Variants in TTC39C observed in about 807,000 individuals in gnomAD.
The protein encoded by TTC39C is tetratricopeptide repeat domain 39C, also known as tetratricopeptide repeat protein 39C.
In TTC39C, 33 loss-of-function variants were observed where a neutral mutation model predicts 76.3. The observed-to-expected ratio is 0.43, with a 90% CI of 0.33 to 0.58. The LOEUF (loss-of-function observed/expected upper bound fraction) is 0.58, where lower values mean the gene tolerates loss of function less well. Ranked by LOEUF, TTC39C falls within the 20% of genes least tolerant of loss-of-function variation. The pLI, the probability that TTC39C is intolerant of heterozygous loss-of-function variation, is 0.04. For synonymous variants in TTC39C, 254 were observed against 260.6 expected, an observed-to-expected ratio of 0.97 and a Z score of 0.24; for missense variants, 595 against 701.4, an observed-to-expected ratio of 0.85 and a Z score of 1.71.
In TTC39C at chr18:24,060,953, A is replaced by G. The variant is rs1034796708; in HGVS notation, c.168-3187A>G. 2.1e-3 allele frequency among the ~76,000 whole-genome samples: 321 copies of G among 152,240 alleles called. 2 individuals carry two copies. The highest frequency in any genetic ancestry group is 7.4e-3 in the African/African-American group (306 of 41,530). On this transcript the variant is annotated intron_variant, in intron 1 of 13. Transcript: ENST00000317571. ...TGGACTAGTTCTGCTCTGGTATTAT[A>G]TTACCAACTGGATTTGCTTTTAGGG...
chr18:23,994,710 CTGAG>C (rs979969046), intron 1 of TTC39C, among the ~76,000 whole-genome samples: 1 of 152,180 alleles, frequency 6.6e-6, no homozygotes, highest in Non-Finnish European at 1.5e-5. Context: ...GCTGTTGCTA[CTGAG>C]TGTGATTCTC....
chr18:24,014,765 C>T lies in TTC39C; in HGVS notation c.-107C>T, dbSNP rs1433964857. On this transcript the variant is annotated 5_prime_UTR_variant, in exon 1 of 14. Coordinates refer to ENST00000317571, the MANE Select transcript of TTC39C (RefSeq NM_001135993.2). ...TTCTCCCCTCCCCTCCCCTCCCCTC[C>T]CGGCTCCGCTTGGCTCCGGGCAGGT... The T allele has an allele frequency of 4.3e-6, 5 of 1,162,398 alleles. No homozygotes were observed. Among genetic ancestry groups the T allele is most frequent in the Non-Finnish European group, 4.2e-6 (4 of 942,278 alleles). The allele number at this position is 1,162,398 out of a possible 1,614,324, so 72.0% of individuals were successfully genotyped here.
chr18:24,030,351 A>G (rs1325121703), intron 1 of TTC39C, among the ~76,000 whole-genome samples: 2 of 152,244 alleles, frequency 1.3e-5, no homozygotes, highest in Admixed American at 1.3e-4. Context: ...ACCTGTTTAA[A>G]AATTGACTAA....
rs373554563 is a variant in TTC39C, at chr18:24,016,209, TC to T, written c.167+1177del. Among the ~76,000 whole-genome samples, 318 of 152,210 alleles carry T rather than the reference TC, an allele frequency of 2.1e-3. 1 individual carries two copies. Among genetic ancestry groups the T allele is most frequent in the South Asian group, 0.017 (82 of 4,824 alleles). Reference sequence around the variant, plus strand: ...TTTTACTTTTAAATCGGTGATTTTTTCCCCCCTTTGGTCTGAAAGTAAAAAC... The same window carrying T: ...TTTTACTTTTAAATCGGTGATTTTTTCCCCCTTTGGTCTGAAAGTAAAAAC... On this transcript the variant is annotated intron_variant, in intron 1 of 13. Transcript: ENST00000317571.
rs76646757 is a variant in TTC39C at position 24,053,902 on chromosome 18, G to T, written c.168-10238G>T. Among the ~76,000 whole-genome samples the T allele has an allele frequency of 3.4e-4, 52 of 152,094 alleles. 1 individual carries two copies. The highest frequency in any genetic ancestry group is 4.4e-5 in the Non-Finnish European group (3 of 68,016). On this transcript the variant is annotated intron_variant, in intron 1 of 13. Transcript: ENST00000317571. ...CTTTTTGATTTTTCTTGGCACAGTG[G>T]GGGAGGAGTTAGCTAAGTAGAGAGA...
intron 1 of TTC39C, among the ~76,000 whole-genome samples, chr18:24,041,212 G>A (rs2083788531): frequency 6.6e-6 from 1 of 152,164 alleles, no homozygotes; most frequent in African/African-American, 2.4e-5. Context: ...CCTACTTTCT[G>A]GCCATGCTAA....
At chr18:24,074,468 G>T (rs573046389) in intron 4 of TTC39C, among the ~76,000 whole-genome samples, 125 of 152,318 alleles carry the variant, frequency 8.2e-4, no homozygotes, top group African/African-American at 2.9e-3. Flanking sequence ...GGGAGGAAAT[G>T]GAGGAAAGGT....
chr18:24,107,500 C>T lies in TTC39C; in HGVS notation c.985-7054C>T, dbSNP rs527917581. ...TAATTGAATCACGGGGGCAGTTTCC[C>T]TCATCCTGTTCTCGTGATAGTGAGT... On this transcript the variant is annotated intron_variant, in intron 6 of 13. Transcript: ENST00000317571. 2.6e-5 allele frequency among the ~76,000 whole-genome samples: 4 copies of T among 152,228 alleles called. No individual in the cohort carries two copies. In the East Asian group the frequency reaches 7.7e-4, roughly 29 times the overall value.
intron 1 of TTC39C, among the ~76,000 whole-genome samples, chr18:24,051,885 G>C (rs967006034): frequency 9.2e-5 from 14 of 152,168 alleles, no homozygotes; most frequent in African/African-American, 3.1e-4. Context: ...TCACTAAACA[G>C]GCATGTACTG....
chr18:24,074,542 A>G (rs2084279613), intron 4 of TTC39C, among the ~76,000 whole-genome samples: 2 of 152,212 alleles, frequency 1.3e-5, no homozygotes. Flanking sequence ...TTGGTGACAC[A>G]TGAAAAAATG....
chr18:24,037,648 C>T (rs1424728941), intron 1 of TTC39C, among the ~76,000 whole-genome samples: 1 of 152,166 alleles, frequency 6.6e-6, no homozygotes, highest in East Asian at 1.9e-4. Context: ...ATATATTAGA[C>T]ATTCTGTGTT....
chr18:24,023,134 C>A (rs753465650), intron 1 of TTC39C, among the ~76,000 whole-genome samples: 4 of 152,116 alleles, frequency 2.6e-5, no homozygotes, highest in African/African-American at 9.7e-5. Flanking sequence ...AAGTGCAGCC[C>A]AGGAGGCGGC....
intron 6 of TTC39C, among the ~76,000 whole-genome samples, chr18:24,102,111 C>T (rs994095684): frequency 6.6e-6 from 1 of 152,226 alleles, no homozygotes; most frequent in East Asian, 1.9e-4. Flanking sequence ...GGGTAAAGCA[C>T]TAAGCACAGG....
chr18:24,032,442 G>A (rs576799333), intron 1 of TTC39C, among the ~76,000 whole-genome samples: 9 of 152,152 alleles, frequency 5.9e-5, no homozygotes, highest in Non-Finnish European at 1.0e-4. Flanking sequence ...GCTTGGGACC[G>A]GAAATGTGTT....
intron 2 of TTC39C, 104 bp downstream of exon 2, chr18:24,064,292 T>G: frequency 7.5e-7 from 1 of 1,335,880 alleles, no homozygotes; most frequent in Non-Finnish European, 1.0e-6. Context: ...TAGAAAGTCT[T>G]TTAGAGTTTA....
chr18:24,055,875 T>C (rs1375894209), intron 1 of TTC39C, among the ~76,000 whole-genome samples: 1 of 152,224 alleles, frequency 6.6e-6, no homozygotes, highest in African/African-American at 2.4e-5. Flanking sequence ...TTCTGGATAA[T>C]GTTGCAACAA....
chr18:24,114,562 C>A lies in TTC39C; in HGVS notation c.993C>A (p.Ile331=), dbSNP rs1427014238. ...KGRIQRLECQ[I]NSALTSFHTA... ...TTTCCTTTTCTCCTTAGTGTCAAAT[C>A]AACAGTGCCTTGACATCTTTCCACA... is the stretch of plus-strand genomic sequence containing the variant. The change falls in exon 7 of 14, where the codon ATC becomes ATA. Residue 331 remains isoleucine, a synonymous_variant. Coordinates refer to ENST00000317571, the MANE Select transcript of TTC39C (RefSeq NM_001135993.2). 8.1e-6 allele frequency: 13 copies of A among 1,613,628 alleles called. No individual in the cohort carries two copies. The highest frequency in any genetic ancestry group is 1.1e-5 in the South Asian group (1 of 91,032).
chr18:24,068,214 C>A (rs896346451), intron 3 of TTC39C, among the ~76,000 whole-genome samples: 3 of 152,174 alleles, frequency 2.0e-5, no homozygotes, highest in East Asian at 1.9e-4. Context: ...ATCTCATTAG[C>A]CCTCCCAACA....
intron 4 of TTC39C, among the ~76,000 whole-genome samples, chr18:24,071,609 A>T (rs2084242479): frequency 6.6e-6 from 1 of 152,054 alleles, no homozygotes; most frequent in African/African-American, 2.4e-5. Flanking sequence ...TTTCCCTATG[A>T]CTTACTTTCA....
Sources: allele counts gnomAD v4.1 joint callset (sites outside exome capture counted in the v4.1 genomes callset), GRCh38; gene constraint gnomAD v4.1.1; transcripts MANE v1.5; gene names NCBI Gene and HGNC (gene_info 2026-07-23, HGNC 2026-07-21).